Variants in PLXNA4 observed in about 807,000 individuals in gnomAD.
The protein encoded by PLXNA4 is plexin A4, also known as plexin-A4.
Under a neutral mutation model 191.8 loss-of-function variants are expected in PLXNA4, and 44 were observed. The observed-to-expected ratio is 0.23, with a 90% CI of 0.18 to 0.29. The LOEUF (loss-of-function observed/expected upper bound fraction) is 0.29, where lower values mean the gene tolerates loss of function less well. PLXNA4 is among the 10% of genes least tolerant of loss of function. The probability of loss-of-function intolerance (pLI) is 1.00; values close to 1 mark genes in which losing one functional copy is unlikely to be tolerated. For missense variants in PLXNA4, 1,800 were observed against 2,488.8 expected (o/e 0.72, Z 5.89); for synonymous variants, 1,082 against 1,009.5 (o/e 1.07, Z -1.36).
chr7:132,535,940 A>T (rs1799814274), intron 1 of PLXNA4, among the ~76,000 whole-genome samples: 2 of 152,100 alleles, frequency 1.3e-5, no homozygotes, highest in African/African-American at 4.8e-5. Flanking sequence ...GTTTACAGAG[A>T]GTAGATCATT....
In PLXNA4 at chr7:132,298,121, G is replaced by T. The variant is rs200301458; in HGVS notation, c.1473C>A (p.His491Gln). Residue 491 changes from histidine to glutamine, a missense_variant, in exon 4 of 32, where the codon CAC becomes CAA. Around this residue, in one of 6 missense-constraint regions of PLXNA4, gnomAD observed 1,397 missense variants for 1,880.4 expected, o/e 0.74. Transcript: ENST00000321063. ...TCTCTGACATGATGTAGAGTTGCTC[G>T]TGGTCCTTGGAGAAGGCCATATCCC... ...VLRDMAFSKD[H>Q]EQLYIMSERQ... 2.1e-4 allele frequency: 336 copies of T among 1,614,172 alleles called. 1 individual carries two copies. The Middle Eastern group carries it at 2.8e-3, about 13-fold the overall frequency.
At chr7:132,527,539 C>CAAA (rs34598256) in intron 1 of PLXNA4, among the ~76,000 whole-genome samples, 22 of 59,666 alleles carry the variant, frequency 3.7e-4, no homozygotes, top group African/African-American at 7.0e-4. Context: ...GAAACAGACT[C>CAAA]AAAAAAAAAA....
At chr7:132,562,794 A>ACCTCCTCCTTCT (rs368000485) in intron 1 of PLXNA4, among the ~76,000 whole-genome samples, 7 of 36,286 alleles carry the variant, frequency 1.9e-4, no homozygotes, top group African/African-American at 8.3e-4. Flanking sequence ...TTCTTTCTCC[A>ACCTCCTCCTTCT]CCTCCTCCTT....
intron 3 of PLXNA4, among the ~76,000 whole-genome samples, chr7:132,434,137 C>T (rs1795381357): frequency 6.6e-6 from 1 of 152,236 alleles, no homozygotes; most frequent in African/African-American, 2.4e-5. Flanking sequence ...CCTTTCCGTT[C>T]CTATTTCCTC....
In PLXNA4 at chr7:132,507,374, C is replaced by CA. The variant is rs1262185715; in HGVS notation, c.1188+131dup. ...GTGACACTCTGGGTCCAATGAGACTCAGAGATGGGATGGGATATACTCACT... is the reference window on the plus strand; with the variant it reads ...GTGACACTCTGGGTCCAATGAGACTCAAGAGATGGGATGGGATATACTCACT... On this transcript the variant is annotated intron_variant, in intron 2 of 31. Coordinates refer to ENST00000321063, the MANE Select transcript of PLXNA4 (RefSeq NM_020911.2). 7.9e-6 allele frequency: 8 copies of CA among 1,014,552 alleles called. No individual in the cohort carries two copies. In the African/African-American group the frequency reaches 1.3e-4, roughly 17 times the overall value. 62.8% of individuals were successfully genotyped at this position (1,014,552 alleles called of 1,614,324 possible). A position where few individuals can be genotyped will look rare whatever the true frequency, so the allele number is the denominator to read the frequency against.
chr7:132,357,855 A>G (rs1803774734), intron 3 of PLXNA4, among the ~76,000 whole-genome samples: 1 of 152,236 alleles, frequency 6.6e-6, no homozygotes, highest in South Asian at 2.1e-4. Context: ...AGAACTCCAC[A>G]GGCAACTCTA....
intron 3 of PLXNA4, among the ~76,000 whole-genome samples, chr7:132,420,075 C>T (rs1162275230): frequency 1.3e-5 from 2 of 152,234 alleles, no homozygotes; most frequent in Non-Finnish European, 2.9e-5. Flanking sequence ...TCCTTCTCTT[C>T]AAGGCTTCTG....
At chr7:132,270,926 G>A (rs1376246957) in intron 4 of PLXNA4, among the ~76,000 whole-genome samples, 1 of 152,212 alleles carries the variant, frequency 6.6e-6, no homozygotes, top group Non-Finnish European at 1.5e-5. Flanking sequence ...GTGGAGATGA[G>A]TAGTACTCAC....
intron 3 of PLXNA4, among the ~76,000 whole-genome samples, chr7:132,393,068 T>A (rs1455279046): frequency 6.8e-6 from 1 of 146,736 alleles, no homozygotes; most frequent in Non-Finnish European, 1.5e-5. Flanking sequence ...ATTATACCAA[T>A]TGTCAGTTTC....
intron 3 of PLXNA4, among the ~76,000 whole-genome samples, chr7:132,314,939 C>T (rs978380671): frequency 6.6e-6 from 1 of 152,328 alleles, no homozygotes; most frequent in Non-Finnish European, 1.5e-5. Flanking sequence ...ATTTCCTCTC[C>T]TCCAATGGAC....
intron 3 of PLXNA4, chr7:132,384,147 A>G (rs1805016699): frequency 4.1e-6 from 4 of 985,358 alleles, no homozygotes; most frequent in Non-Finnish European, 4.8e-6. Context: ...ATTCCCTCCC[A>G]CAGGCCAGGA....
chr7:132,600,255 A>G (rs903203717), intron 2 of PLXNA4, among the ~76,000 whole-genome samples: 1 of 152,168 alleles, frequency 6.6e-6, no homozygotes, highest in Non-Finnish European at 1.5e-5. Context: ...TGTAAGTTTG[A>G]TAGAATGAAC....
At chr7:132,355,097 CCTGGG>C (rs1452367501) in intron 3 of PLXNA4, among the ~76,000 whole-genome samples, 1 of 152,128 alleles carries the variant, frequency 6.6e-6, no homozygotes, top group Non-Finnish European at 1.5e-5. Context: ...TGGTCAGGGC[CCTGGG>C]CTGGTTCATG....
intron 3 of PLXNA4, among the ~76,000 whole-genome samples, chr7:132,401,410 T>G (rs1333940056): frequency 6.6e-6 from 1 of 152,202 alleles, no homozygotes; most frequent in African/African-American, 2.4e-5. Flanking sequence ...GTGGTTCTAA[T>G]GTGAAGCCCA....
intron 4 of PLXNA4, among the ~76,000 whole-genome samples, chr7:132,283,939 C>A (rs906094815): frequency 2.6e-5 from 4 of 152,202 alleles, no homozygotes; most frequent in Non-Finnish European, 4.4e-5. Context: ...CTGTGGGAGG[C>A]CAAGGCAGGA....
chr7:132,137,935 C>T (rs896447051), intron 30 of PLXNA4, among the ~76,000 whole-genome samples: 16 of 144,114 alleles, frequency 1.1e-4, no homozygotes, highest in Non-Finnish European at 1.5e-4. Context: ...GAAGGATGGG[C>T]GCAAAGATGG....
intron 3 of PLXNA4, among the ~76,000 whole-genome samples, chr7:132,416,065 C>T (rs1388134431): frequency 6.6e-6 from 1 of 152,192 alleles, no homozygotes; most frequent in African/African-American, 2.4e-5. Flanking sequence ...ATTTCAAGTG[C>T]TCAGTAGTCC....
intron 21 of PLXNA4, among the ~76,000 whole-genome samples, chr7:132,173,930 G>A (rs980168864): frequency 6.6e-5 from 10 of 152,126 alleles, no homozygotes; most frequent in African/African-American, 2.2e-4. Context: ...TCCTTTGGCC[G>A]CCACCAGCTG....
rs531242054 is a variant in PLXNA4 at position 132,437,414 on chromosome 7, A to G, written c.1371+51878T>C. Among the ~76,000 whole-genome samples the G allele has an allele frequency of 2.6e-4, 40 of 152,322 alleles. No homozygotes were observed. In the South Asian group the frequency reaches 7.9e-3, roughly 30 times the overall value. ...ACCACACGTGTGTGTGCATGTTTGC[A>G]TGCAAGCACGTGCACAGACACACAC... On this transcript the variant is annotated intron_variant, in intron 3 of 31. Transcript: ENST00000321063.
Sources: allele counts gnomAD v4.1 joint callset (sites outside exome capture counted in the v4.1 genomes callset), GRCh38; gene constraint gnomAD v4.1.1; regional missense constraint gnomAD v4.1.1; transcripts MANE v1.5; gene names NCBI Gene and HGNC (gene_info 2026-07-23, HGNC 2026-07-21).